The following SH3PXD2A variants were observed in gnomAD, a reference collection of about 807,000 sequenced individuals.
The protein encoded by SH3PXD2A is SH3 and PX domains 2A.
In SH3PXD2A, 32 loss-of-function variants were observed where a neutral mutation model predicts 115.2. That is an observed-to-expected ratio of 0.28 (90% confidence interval 0.21 to 0.37). The LOEUF is 0.37. Among genes scored for constraint, SH3PXD2A ranks in the 10% least tolerant of loss-of-function variants. The pLI is 1.00. For synonymous variants in SH3PXD2A, 610 were observed against 629.1 expected, an observed-to-expected ratio of 0.97 and a Z score of 0.45; for missense variants, 1,328 against 1,498.7, an observed-to-expected ratio of 0.89 and a Z score of 1.88.
At chr10:103,730,947 A>G (rs1380976104) in intron 4 of SH3PXD2A, among the ~76,000 whole-genome samples, 3 of 152,172 alleles carry the variant, frequency 2.0e-5, no homozygotes, top group Non-Finnish European at 2.9e-5. Context: ...CGGAGACTGA[A>G]TGTGCACCCA....
At chr10:103,851,148 G>GAAA (rs11357351) in intron 1 of SH3PXD2A, among the ~76,000 whole-genome samples, 7 of 140,602 alleles carry the variant, frequency 5.0e-5, no homozygotes, top group Non-Finnish European at 4.6e-5. Flanking sequence ...TAAGGGCTGA[G>GAAA]AAAAAAAAAA....
At chr10:103,619,942 G>A (rs1707584300) in intron 10 of SH3PXD2A, among the ~76,000 whole-genome samples, 1 of 152,212 alleles carries the variant, frequency 6.6e-6, no homozygotes, top group East Asian at 1.9e-4. Flanking sequence ...CCCAGCTCCT[G>A]GGTTTCCACC....
At chr10:103,724,182 T>A in intron 5 of SH3PXD2A, 88 bp downstream of exon 5, 1 of 583,404 alleles carries the variant, frequency 1.7e-6, no homozygotes, top group Non-Finnish European at 2.8e-6. Flanking sequence ...CTTCTGCTTG[T>A]GTTCCCACAG....
At chr10:103,766,279 G>A (rs909624212) in intron 3 of SH3PXD2A, among the ~76,000 whole-genome samples, 1 of 152,224 alleles carries the variant, frequency 6.6e-6, no homozygotes, top group Non-Finnish European at 1.5e-5. Context: ...TCTGAGCCCG[G>A]GGGGAAGCCC....
chr10:103,799,885 G>T (rs1378437057), intron 2 of SH3PXD2A, among the ~76,000 whole-genome samples: 1 of 152,116 alleles, frequency 6.6e-6, no homozygotes, highest in African/African-American at 2.4e-5. Flanking sequence ...ATATTCAATG[G>T]GATATTCAAT....
chr10:103,738,212 G>A (rs558112396), intron 3 of SH3PXD2A, among the ~76,000 whole-genome samples: 25 of 152,220 alleles, frequency 1.6e-4, no homozygotes, highest in Non-Finnish European at 3.5e-4. Context: ...CTCGAAAGGA[G>A]ATAAAACGTG....
At chr10:103,759,671 A>T (rs374264699) in intron 3 of SH3PXD2A, among the ~76,000 whole-genome samples, 20 of 152,164 alleles carry the variant, frequency 1.3e-4, no homozygotes, top group African/African-American at 4.6e-4. Flanking sequence ...TGTCGTAATG[A>T]CCATTTCCTC....
intron 1 of SH3PXD2A, among the ~76,000 whole-genome samples, chr10:103,803,424 C>A (rs576669525): frequency 5.3e-5 from 8 of 152,248 alleles, no homozygotes; most frequent in African/African-American, 1.4e-4. Context: ...AATGTTTAAG[C>A]AACTAAATGT....
chr10:103,606,828 G>A (rs1592258437), intron 13 of SH3PXD2A, among the ~76,000 whole-genome samples: 1 of 152,346 alleles, frequency 6.6e-6, no homozygotes, highest in South Asian at 2.1e-4. Flanking sequence ...GTGCAGCGGC[G>A]TGATCTCGGC....
chr10:103,772,617 GAGAT>G (rs2038836741), intron 2 of SH3PXD2A, among the ~76,000 whole-genome samples: 1 of 152,362 alleles, frequency 6.6e-6, no homozygotes, highest in South Asian at 2.1e-4. Context: ...GATCGTGTGA[GAGAT>G]AGGGGACAGC....
At chr10:103,678,164 TG>T in intron 6 of SH3PXD2A, 2 of 1,289,026 alleles carry the variant, frequency 1.6e-6, no homozygotes, top group South Asian at 1.2e-5. Flanking sequence ...GTGTAATGTC[TG>T]GGGGGAGCAG....
chr10:103,849,856 T>C (rs544940522), intron 1 of SH3PXD2A, among the ~76,000 whole-genome samples: 2 of 152,316 alleles, frequency 1.3e-5, no homozygotes, highest in African/African-American at 4.8e-5. Flanking sequence ...CCTATCCTAA[T>C]CTACTATCCC....
chr10:103,820,131 A>G (rs1478773352), intron 1 of SH3PXD2A, among the ~76,000 whole-genome samples: 1 of 152,202 alleles, frequency 6.6e-6, no homozygotes, highest in Non-Finnish European at 1.5e-5. Flanking sequence ...ACTTTGTTTC[A>G]CGCTCAATTC....
intron 9 of SH3PXD2A, among the ~76,000 whole-genome samples, chr10:103,626,133 G>A (rs568932276): frequency 2.3e-4 from 35 of 152,388 alleles, no homozygotes; most frequent in African/African-American, 8.2e-4. Context: ...GCACATGGCA[G>A]GGGCCGAGGC....
chr10:103,791,148 T>G (rs1035680015), intron 2 of SH3PXD2A, among the ~76,000 whole-genome samples: 1 of 152,164 alleles, frequency 6.6e-6, no homozygotes, highest in African/African-American at 2.4e-5. Context: ...CTTCTTACAA[T>G]TTTCCCCAGT....
intron 4 of SH3PXD2A, among the ~76,000 whole-genome samples, chr10:103,728,897 G>GTTTTTTTTTTTTTTTTTTTTTTTTTTTTT (rs57283527): frequency 7.4e-6 from 1 of 135,904 alleles, no homozygotes; most frequent in African/African-American, 2.7e-5. Context: ...TTGTTTGTTT[G>GTTTTTTTTTTTTTTTTTTTTTTTTTTTTT]TTTTTTTTTT....
chr10:103,638,048 G>A (rs910518863), intron 8 of SH3PXD2A, among the ~76,000 whole-genome samples: 1 of 152,140 alleles, frequency 6.6e-6, no homozygotes. Flanking sequence ...GCCAAGACAC[G>A]CGCCTCCATG....
chr10:103,815,666 G>C (rs531902288), intron 1 of SH3PXD2A, among the ~76,000 whole-genome samples: 1 of 151,600 alleles, frequency 6.6e-6, no homozygotes, highest in African/African-American at 2.4e-5. Flanking sequence ...CGAGGCAGGC[G>C]GATCACGGAG....
At chr10:103,736,016 G>A (rs74157319) in intron 3 of SH3PXD2A, among the ~76,000 whole-genome samples, 4,728 of 152,250 alleles carry the variant, frequency 0.031, 228 homozygotes, top group African/African-American at 0.1. Flanking sequence ...TCTCTGGTGG[G>A]TGAGGAGCCC....
Sources: allele counts gnomAD v4.1 joint callset (sites outside exome capture counted in the v4.1 genomes callset), GRCh38; gene constraint gnomAD v4.1.1; transcripts MANE v1.5; gene names NCBI Gene and HGNC (gene_info 2026-07-23, HGNC 2026-07-21).